The following NRXN1 variants were observed in gnomAD, a reference collection of about 807,000 sequenced individuals.
NRXN1 encodes the protein neurexin 1, also known as neurexin-1.
NRXN1 carries 39 observed loss-of-function variants against 150.9 expected under a neutral mutation model. The ratio of observed to expected loss-of-function variants is 0.26; its 90% CI spans 0.20 to 0.34. The LOEUF (loss-of-function observed/expected upper bound fraction) is 0.34, where lower values mean the gene tolerates loss of function less well. NRXN1 is among the 10% of genes least tolerant of loss of function. The pLI, the probability that NRXN1 is intolerant of heterozygous loss-of-function variation, is 1.00. For synonymous variants in NRXN1, 924 were observed against 757.0 expected (o/e 1.22, Z -3.62); for missense variants, 1,815 against 1,949.9 (o/e 0.93, Z 1.30).
chr2:50,535,795 C>T (rs1254400613), intron 10 of NRXN1, among the ~76,000 whole-genome samples: 1 of 152,152 alleles, frequency 6.6e-6, no homozygotes, highest in Non-Finnish European at 1.5e-5. Context: ...GCATGATAAA[C>T]ATCTCCTATA....
intron 2 of NRXN1, among the ~76,000 whole-genome samples, chr2:50,962,513 G>C (rs1693365074): frequency 1.2e-5 from 1 of 86,104 alleles, no homozygotes; most frequent in African/African-American, 5.4e-5. Flanking sequence ...AGAGCCAAGT[G>C]CTTGGTTTGT....
intron 18 of NRXN1, among the ~76,000 whole-genome samples, chr2:50,176,988 A>G (rs1473029391): frequency 1.4e-4 from 21 of 152,206 alleles, no homozygotes; most frequent in Non-Finnish European, 1.3e-4. Flanking sequence ...ACAGTGGGAA[A>G]AAAGAGAAGA....
chr2:50,658,579 C>T (rs1420285578), intron 5 of NRXN1, among the ~76,000 whole-genome samples: 2 of 151,948 alleles, frequency 1.3e-5, no homozygotes, highest in Non-Finnish European at 2.9e-5. Context: ...AATTCAAAAA[C>T]AGACTCTTTG....
chr2:50,223,994 A>G (rs1546656), intron 18 of NRXN1, among the ~76,000 whole-genome samples: 62,859 of 151,726 alleles, frequency 0.41, 13,190 homozygotes, highest in Middle Eastern at 0.47. Flanking sequence ...CAGCAAAGAT[A>G]CCTATAATTG....
At chr2:50,146,839 G>A (rs933247701) in intron 18 of NRXN1, among the ~76,000 whole-genome samples, 4 of 151,432 alleles carry the variant, frequency 2.6e-5, no homozygotes, top group Admixed American at 2.0e-4. Context: ...ATTCTGTATC[G>A]TCATACTTAG....
At chr2:50,888,556 C>G (rs1241324195) in intron 5 of NRXN1, among the ~76,000 whole-genome samples, 1 of 151,260 alleles carries the variant, frequency 6.6e-6, no homozygotes, top group Non-Finnish European at 1.5e-5. Context: ...CTTTTCCTCC[C>G]TCTCTCTCTC....
At chr2:50,551,837 C>G (rs141992039) in intron 9 of NRXN1, among the ~76,000 whole-genome samples, 2 of 152,102 alleles carry the variant, frequency 1.3e-5, no homozygotes, top group South Asian at 4.2e-4. Flanking sequence ...AGGATTCCTA[C>G]AAATGTCATC....
Position 50,495,797 on chromosome 2 carries a change from T to C in NRXN1, c.3070+108A>G, listed in dbSNP as rs143242052. On this transcript the variant is annotated intron_variant, in intron 15 of 22. Transcript: ENST00000401669. ...TAATTATGTGCTGAAAATGAAATTC[T>C]GGTCAGTCTTTGCAGAAGGTACAAA... 2.2e-5 allele frequency: 18 copies of C among 829,396 alleles called. No homozygotes were observed. In the African/African-American group the frequency reaches 2.4e-4, roughly 11 times the overall value. The allele number at this position is 829,396 out of a possible 1,614,324, so 51.4% of individuals were successfully genotyped here.
chr2:50,713,455 A>G (rs540153894), intron 5 of NRXN1, among the ~76,000 whole-genome samples: 56 of 152,318 alleles, frequency 3.7e-4, no homozygotes, highest in African/African-American at 1.2e-3. Flanking sequence ...AAAAGAGCCT[A>G]GATCTGGCAA....
chr2:50,960,008 G>A (rs995617821), intron 2 of NRXN1, among the ~76,000 whole-genome samples: 9 of 151,910 alleles, frequency 5.9e-5, no homozygotes, highest in East Asian at 1.9e-4. Context: ...AAAATTCTCC[G>A]ATGTTGAAAT....
chr2:50,470,436 T>C (rs1037842838), intron 16 of NRXN1, among the ~76,000 whole-genome samples: 1 of 151,828 alleles, frequency 6.6e-6, no homozygotes, highest in Admixed American at 6.6e-5. Flanking sequence ...CTTCCATTAC[T>C]AACCTTATCC....
intron 8 of NRXN1, among the ~76,000 whole-genome samples, chr2:50,573,289 T>C (rs1156776470): frequency 6.6e-6 from 1 of 151,456 alleles, no homozygotes; most frequent in African/African-American, 2.4e-5. Flanking sequence ...CTTGAGCTTG[T>C]GGGGTTAAGG....
chr2:49,957,926 A>G (rs1046592449), intron 21 of NRXN1, among the ~76,000 whole-genome samples: 2 of 152,120 alleles, frequency 1.3e-5, no homozygotes, highest in Non-Finnish European at 2.9e-5. Context: ...TAACAGCGGG[A>G]ATAATTTACT....
intron 17 of NRXN1, among the ~76,000 whole-genome samples, chr2:50,344,792 G>A (rs1031214749): frequency 6.6e-6 from 1 of 152,188 alleles, no homozygotes; most frequent in Non-Finnish European, 1.5e-5. Context: ...TCCCTCTGGA[G>A]AGAGGCCGAG....
intron 17 of NRXN1, among the ~76,000 whole-genome samples, chr2:50,429,257 T>C (rs1334941761): frequency 7.6e-6 from 1 of 131,636 alleles, no homozygotes; most frequent in Non-Finnish European, 1.6e-5. Flanking sequence ...AAAAAAATAC[T>C]TTTTTTTCTT....
chr2:49,986,308 TTACTC>T (rs1319722126), intron 21 of NRXN1, among the ~76,000 whole-genome samples: 1 of 152,180 alleles, frequency 6.6e-6, no homozygotes, highest in Non-Finnish European at 1.5e-5. Context: ...ATGTGGATAT[TTACTC>T]TATTAGAAAT....
At chr2:50,325,671 T>C (rs997085132) in intron 17 of NRXN1, among the ~76,000 whole-genome samples, 4 of 152,218 alleles carry the variant, frequency 2.6e-5, no homozygotes, top group Non-Finnish European at 5.9e-5. Flanking sequence ...TTATTAACAG[T>C]ATTATTCAAA....
chr2:50,383,155 T>C (rs892603117), intron 17 of NRXN1, among the ~76,000 whole-genome samples: 3 of 152,280 alleles, frequency 2.0e-5, no homozygotes, highest in East Asian at 3.9e-4. Context: ...AAACTTTGAA[T>C]CCCAACTTAG....
chr2:49,999,228 G>A (rs1683506688), intron 21 of NRXN1, among the ~76,000 whole-genome samples: 1 of 152,080 alleles, frequency 6.6e-6, no homozygotes, highest in African/African-American at 2.4e-5. Context: ...TTGAGGGAGT[G>A]ATTGGCTACT....
Sources: gnomAD v4.1 joint callset for allele counts (sites outside exome capture counted in the v4.1 genomes callset) on GRCh38, gnomAD v4.1.1 for gene constraint, MANE v1.5 for transcripts, NCBI Gene and HGNC (gene_info 2026-07-23, HGNC 2026-07-21) for gene names.